Variants in ZC3H7B observed in about 807,000 individuals in gnomAD.
The protein encoded by ZC3H7B is zinc finger CCCH domain-containing protein 7B.
In ZC3H7B, 35 loss-of-function variants were observed where a neutral mutation model predicts 116.0. The observed-to-expected ratio is 0.30, with a 90% CI of 0.23 to 0.40. ZC3H7B has a LOEUF of 0.40. ZC3H7B is among the 10% of genes least tolerant of loss of function. The probability of loss-of-function intolerance (pLI) is 1.00; values close to 1 mark genes in which losing one functional copy is unlikely to be tolerated. For missense variants in ZC3H7B, 1,011 were observed against 1,321.5 expected, an observed-to-expected ratio of 0.77 and a Z score of 3.64; for synonymous variants, 502 against 545.6, an observed-to-expected ratio of 0.92 and a Z score of 1.11.
chr22:41,341,128 T>C lies in ZC3H7B; in HGVS notation c.1179T>C (p.Ala393=). The C allele has an allele frequency of 6.2e-7, 1 of 1,613,904 alleles. No individual in the cohort carries two copies. Residue 393 remains alanine, a synonymous_variant, in exon 11 of 23, where the codon GCT becomes GCC. Coordinates refer to ENST00000352645, the MANE Select transcript of ZC3H7B (RefSeq NM_017590.6). ...NSQDHRPPSG[A]QKPAPSPEPC... ...AGGACCACCGTCCCCCTAGCGGTGC[T>C]CAGAAACCAGCCCCCTCGGTGAGTG...
At chr22:41,343,659 G>A in intron 13 of ZC3H7B, 83 bp downstream of exon 13, 3 of 1,456,044 alleles carry the variant, frequency 2.1e-6, no homozygotes, top group Non-Finnish European at 2.7e-6. Flanking sequence ...CCCATCACAG[G>A]TAGACAGAAC....
At position 41,338,984 on chromosome 22, in the gene ZC3H7B, G is replaced by T; in HGVS notation, c.626-17G>T. On this transcript the variant is annotated splice_polypyrimidine_tract_variant and intron_variant, in intron 8 of 22. Coordinates refer to ENST00000352645, the MANE Select transcript of ZC3H7B (RefSeq NM_017590.6). This position sits in a 1 kb window ranked among gnomAD's most constrained non-coding sequence, Gnocchi z 4.5. ...CAAGCAGTGCTCCCCTTCGGCTCTT[G>T]CCCACCCCATCCGCAGACTGCTACG... The T allele has an allele frequency of 6.5e-7, 1 of 1,531,434 alleles. No homozygotes were observed. The allele number at this position is 1,531,434 out of a possible 1,614,324, so 94.9% of individuals were successfully genotyped here. A position where few individuals can be genotyped will look rare whatever the true frequency, so the allele number is the denominator to read the frequency against.
At chr22:41,321,009 G>A (rs1431550762) in intron 2 of ZC3H7B, among the ~76,000 whole-genome samples, 3 of 152,104 alleles carry the variant, frequency 2.0e-5, no homozygotes, top group Non-Finnish European at 2.9e-5. Flanking sequence ...ATGACTGCAC[G>A]AGTTTTCTGA....
At chr22:41,318,559 G>C (rs1229519862) in intron 1 of ZC3H7B, among the ~76,000 whole-genome samples, 2 of 151,032 alleles carry the variant, frequency 1.3e-5, no homozygotes, top group Non-Finnish European at 2.9e-5. Flanking sequence ...ACCAGCCTGG[G>C]CAACATAGTG....
chr22:41,349,677 A>G lies in ZC3H7B; in HGVS notation c.1948+376A>G, dbSNP rs771066939. 6.6e-6 allele frequency among the ~76,000 whole-genome samples: 1 copy of G among 152,262 alleles called. No homozygotes were observed. Among genetic ancestry groups the G allele is most frequent in the Non-Finnish European group, 1.5e-5 (1 of 68,014 alleles). ...TGAGCCTCCAGTGCTCATCTGGGAA[A>G]TGGGGAGCCCCATCTCTTCCTCACA... On this transcript the variant is annotated intron_variant, in intron 16 of 22. Transcript: ENST00000352645. The surrounding 1 kb of genome is among the most constrained non-coding windows in gnomAD (Gnocchi z 4.9).
At chr22:41,309,493 T>G (rs1425133253) in intron 1 of ZC3H7B, among the ~76,000 whole-genome samples, 1 of 151,694 alleles carries the variant, frequency 6.6e-6, no homozygotes, top group Non-Finnish European at 1.5e-5. Context: ...TTTTGTATTT[T>G]TATTAGAGAT....
chr22:41,338,329 T>C lies in ZC3H7B; in HGVS notation c.599T>C (p.Leu200Ser). Residue 200 changes from leucine (L) to serine (S), a missense_variant, in exon 8 of 23, where the codon TTG (leucine) becomes TCG (serine). Leu to Ser is a moderately radical substitution (Grantham distance 145). Around this residue, in one of 5 missense-constraint regions of ZC3H7B, gnomAD observed 322 missense variants for 443.9 expected, o/e 0.73. Coordinates refer to ENST00000352645, the MANE Select transcript of ZC3H7B (RefSeq NM_017590.6). This position sits in a 1 kb window ranked among gnomAD's most constrained non-coding sequence, Gnocchi z 4.5. ...GVADQGTSNG[L>S]GSIDDIETDC... ...TCCCCACAGGGAACTTCTAATGGAT[T>C]GGGGTCCATAGATGACATCGAAACA... is the stretch of plus-strand genomic sequence containing the variant. 1.2e-6 allele frequency: 2 copies of C among 1,613,822 alleles called. No individual in the cohort carries two copies. Among genetic ancestry groups the C allele is most frequent in the South Asian group, 2.2e-5 (2 of 90,978 alleles).
chr22:41,357,903 A>G lies in ZC3H7B; in HGVS notation c.*474A>G. On this transcript the variant is annotated 3_prime_UTR_variant, in exon 23 of 23. Coordinates refer to ENST00000352645, the MANE Select transcript of ZC3H7B (RefSeq NM_017590.6). This position sits in a 1 kb window ranked among gnomAD's most constrained non-coding sequence, Gnocchi z 5.4. The stretch of plus-strand genomic sequence containing the variant: ...GGGCAGAGGCCCCATTAGCTTTAAA[A>G]TGTAGCCCCAGGTTGGAGCTGGGAA... The G allele has an allele frequency of 5.6e-6, 1 of 177,972 alleles. No individual in the cohort carries two copies. Among genetic ancestry groups the G allele is most frequent in the South Asian group, 1.3e-4 (1 of 7,884 alleles). 11.0% of individuals were successfully genotyped at this position (177,972 alleles called of 1,614,324 possible).
Position 41,351,709 on chromosome 22 carries a change from G to A in ZC3H7B, c.2034+63G>A. ...GTGAATTGTCCCCAAATTACAAACA[G>A]GAAGGCTCTAATTTTACAATAGAGA... On this transcript the variant is annotated intron_variant, in intron 17 of 22. Transcript: ENST00000352645. The surrounding 1 kb of genome is among the most constrained non-coding windows in gnomAD (Gnocchi z 5.1). 1 of 1,516,506 alleles carries A rather than the reference G, an allele frequency of 6.6e-7. No homozygotes were observed. Among genetic ancestry groups the A allele is most frequent in the East Asian group, 2.4e-5 (1 of 42,496 alleles). 93.9% of individuals were successfully genotyped at this position (1,516,506 alleles called of 1,614,324 possible).
intron 7 of ZC3H7B, chr22:41,336,494 T>C (rs1476133941): frequency 6.6e-6 from 1 of 152,010 alleles, no homozygotes; most frequent in Non-Finnish European, 1.5e-5. Flanking sequence ...AAACCCCATC[T>C]CTACTAAAAA....
In ZC3H7B at chr22:41,346,966, CAAAAAAA is replaced by C. The variant is rs35397354; in HGVS notation, c.1665+771_1665+777del. Among the ~76,000 whole-genome samples, 1 of 116,744 alleles carries C rather than the reference CAAAAAAA, an allele frequency of 8.6e-6. No homozygotes were observed. Among genetic ancestry groups the C allele is most frequent in the South Asian group, 2.6e-4 (1 of 3,914 alleles). 76.6% of individuals were successfully genotyped at this position (116,744 alleles called of 152,430 possible). ...TGGGTGACAGAGTGAGACCCTATTCCAAAAAAAAAAAAAAAAAAATGTCATTTCCATC... is the reference window on the plus strand; with the variant it reads ...TGGGTGACAGAGTGAGACCCTATTCCAAAAAAAAAAAATGTCATTTCCATC... On this transcript the variant is annotated intron_variant, in intron 14 of 22. Coordinates refer to ENST00000352645, the MANE Select transcript of ZC3H7B (RefSeq NM_017590.6). The surrounding 1 kb of genome is among the most constrained non-coding windows in gnomAD (Gnocchi z 5.3).
intron 11 of ZC3H7B, among the ~76,000 whole-genome samples, chr22:41,341,571 G>A (rs957837098): frequency 2.6e-5 from 4 of 151,526 alleles, no homozygotes; most frequent in Non-Finnish European, 4.4e-5. Context: ...GTGAAACCCC[G>A]TCTCTACTAA....
intron 10 of ZC3H7B, 26 bp downstream of exon 10, chr22:41,340,163 A>G (rs1176698310): frequency 1.3e-6 from 2 of 1,566,256 alleles, no homozygotes; most frequent in Non-Finnish European, 1.7e-6. Context: ...GGCCCGTTCA[A>G]CCTCCCTGGA....
chr22:41,320,030 CA>C (rs35629525), intron 1 of ZC3H7B, among the ~76,000 whole-genome samples: 11,725 of 127,432 alleles, frequency 0.092, 1,495 homozygotes, highest in East Asian at 0.46. Context: ...GACTCCATCT[CA>C]AAAAAAAAAA....
chr22:41,356,940 A>C, intron 22 of ZC3H7B, 132 bp downstream of exon 22: 1 of 1,250,044 alleles, frequency 8.0e-7, no homozygotes, highest in East Asian at 2.6e-5. Context: ...GACTGCAGCC[A>C]TGGGGGTGGT....
intron 6 of ZC3H7B, 75 bp from the exon 7 acceptor site, chr22:41,332,096 C>G (rs2036390587): frequency 9.6e-6 from 15 of 1,555,386 alleles, no homozygotes; most frequent in Non-Finnish European, 1.3e-5. Flanking sequence ...GGCCTCTTTG[C>G]TGCCCCAGCT....
rs1478554089 is a variant in ZC3H7B at position 41,349,829 on chromosome 22, A to AAGTGGGGGCCAGACAGAT, written c.1948+530_1948+547dup. On this transcript the variant is annotated intron_variant, in intron 16 of 22. Coordinates refer to ENST00000352645, the MANE Select transcript of ZC3H7B (RefSeq NM_017590.6). This position sits in a 1 kb window ranked among gnomAD's most constrained non-coding sequence, Gnocchi z 4.9. ...TTACTTTCAGAGAACCTACATTTATAAGTGGGGGCCAGACAGATAATATAT... is the reference window on the plus strand; with the variant it reads ...TTACTTTCAGAGAACCTACATTTATAAGTGGGGGCCAGACAGATAGTGGGGGCCAGACAGATAATATAT... Among the ~76,000 whole-genome samples the AAGTGGGGGCCAGACAGAT allele has an allele frequency of 1.3e-5, 2 of 152,206 alleles. No individual in the cohort carries two copies. The highest frequency in any genetic ancestry group is 2.9e-5 in the Non-Finnish European group (2 of 68,032).
chr22:41,353,089 A>G (rs567820754), intron 17 of ZC3H7B, among the ~76,000 whole-genome samples: 10 of 152,148 alleles, frequency 6.6e-5, no homozygotes, highest in South Asian at 6.2e-4. Flanking sequence ...CAAAAAAAAA[A>G]AAGAAGAAAA....
At chr22:41,324,343 G>A (rs1046384137) in intron 2 of ZC3H7B, among the ~76,000 whole-genome samples, 41 of 152,142 alleles carry the variant, frequency 2.7e-4, no homozygotes, top group Non-Finnish European at 5.9e-5. Flanking sequence ...CTGGCGTTGC[G>A]CCTCTGCCCA....
Sources: allele counts gnomAD v4.1 joint callset (sites outside exome capture counted in the v4.1 genomes callset), GRCh38; gene constraint gnomAD v4.1.1; regional missense constraint gnomAD v4.1.1; non-coding constraint Gnocchi (gnomAD v3.1); transcripts MANE v1.5; gene names NCBI Gene and HGNC (gene_info 2026-07-23, HGNC 2026-07-21).